The following DLG2 variants were observed in gnomAD, a reference collection of about 807,000 sequenced individuals.
DLG2 encodes discs large MAGUK scaffold protein 2.
Under a neutral mutation model 132.5 loss-of-function variants are expected in DLG2, and 45 were observed. That is an observed-to-expected ratio of 0.34 (90% CI 0.27 to 0.44). DLG2 has a LOEUF of 0.44. Ranked by LOEUF, DLG2 falls within the 20% of genes least tolerant of loss-of-function variation. The pLI is 1.00. For synonymous variants in DLG2, 424 were observed against 419.6 expected (o/e 1.01, Z -0.13); for missense variants, 1,045 against 1,196.9 (o/e 0.87, Z 1.87).
At chr11:83,773,401 T>G (rs1205170795) in intron 18 of DLG2, among the ~76,000 whole-genome samples, 1 of 152,224 alleles carries the variant, frequency 6.6e-6, no homozygotes, top group Non-Finnish European at 1.5e-5. Context: ...ATATTTCAAT[T>G]AATGTTTCCA....
At chr11:85,026,556 G>A (rs1360568317) in intron 6 of DLG2, among the ~76,000 whole-genome samples, 7 of 151,964 alleles carry the variant, frequency 4.6e-5, no homozygotes, top group Admixed American at 6.6e-5. Flanking sequence ...ATATTCTTTC[G>A]GCCGGGCGCG....
intron 3 of DLG2, among the ~76,000 whole-genome samples, chr11:85,300,051 A>G (rs912596298): frequency 1.6e-4 from 25 of 152,122 alleles, no homozygotes; most frequent in African/African-American, 6.0e-4. Context: ...TCATTTCTTC[A>G]ACAAATATTT....
At chr11:84,068,778 T>C (rs1369016575) in intron 10 of DLG2, among the ~76,000 whole-genome samples, 1 of 152,196 alleles carries the variant, frequency 6.6e-6, no homozygotes, top group African/African-American at 2.4e-5. Flanking sequence ...AAGTTTGTAT[T>C]ATATACTATG....
intron 17 of DLG2, among the ~76,000 whole-genome samples, chr11:83,807,303 C>T (rs2046155040): frequency 6.6e-6 from 1 of 152,168 alleles, no homozygotes. Context: ...TTTCCATTTA[C>T]ACAGGCAGGG....
chr11:84,745,146 T>C (rs1235401300), intron 6 of DLG2, among the ~76,000 whole-genome samples: 2 of 152,214 alleles, frequency 1.3e-5, no homozygotes, highest in Non-Finnish European at 2.9e-5. Context: ...AATGTTTTCT[T>C]ACTTTACCTA....
intron 6 of DLG2, among the ~76,000 whole-genome samples, chr11:84,952,257 C>G (rs2051026620): frequency 6.6e-6 from 1 of 152,106 alleles, no homozygotes. Flanking sequence ...AGAATAAAAC[C>G]AGAACTGGCC....
intron 3 of DLG2, among the ~76,000 whole-genome samples, chr11:85,293,068 A>G (rs1211792109): frequency 6.6e-6 from 1 of 152,194 alleles, no homozygotes; most frequent in Non-Finnish European, 1.5e-5. Flanking sequence ...TAATAAAATA[A>G]TAATCCATTA....
chr11:83,496,945 C>T (rs1025296210), intron 21 of DLG2, among the ~76,000 whole-genome samples: 4 of 152,180 alleles, frequency 2.6e-5, no homozygotes, highest in African/African-American at 7.2e-5. Flanking sequence ...AAACACTTAG[C>T]ATTTTTAAGG....
rs142885063 is a variant in DLG2 at position 83,874,654 on chromosome 11, A to G, written c.1497-166T>C. 2.7e-3 allele frequency among the ~76,000 whole-genome samples: 411 copies of G among 152,282 alleles called. 5 individuals are homozygous for G. The highest frequency in any genetic ancestry group is 9.3e-3 in the African/African-American group (388 of 41,564). On this transcript the variant is annotated intron_variant, in intron 15 of 27. Transcript: ENST00000376104. ...TGCACCCATTAACTCGTCATTTAAC[A>G]TTAGATATATCTCCTAATGCTAACC...
At chr11:84,105,747 T>C (rs951733122) in intron 9 of DLG2, among the ~76,000 whole-genome samples, 2 of 152,114 alleles carry the variant, frequency 1.3e-5, no homozygotes, top group Non-Finnish European at 2.9e-5. Flanking sequence ...TTAATACCCA[T>C]GTTCTATTTG....
intron 25 of DLG2, among the ~76,000 whole-genome samples, chr11:83,468,765 A>C (rs958213223): frequency 1.3e-5 from 2 of 152,162 alleles, no homozygotes; most frequent in African/African-American, 2.4e-5. Context: ...TCTAAGCTAG[A>C]ACTTCTGCGA....
At chr11:85,556,950 C>T (rs1216943922) in intron 3 of DLG2, among the ~76,000 whole-genome samples, 1 of 151,722 alleles carries the variant, frequency 6.6e-6, no homozygotes, top group African/African-American at 2.4e-5. Context: ...CTAGCCACTG[C>T]AATCAGGCAA....
In DLG2 at chr11:84,020,322, T is replaced by C. The variant is rs543611471; in HGVS notation, c.919+38993A>G. Among the ~76,000 whole-genome samples, 6 of 152,288 alleles carry C rather than the reference T, an allele frequency of 3.9e-5. No individual in the cohort carries two copies. The East Asian group carries it at 1.2e-3, about 29-fold the overall frequency. On this transcript the variant is annotated intron_variant, in intron 11 of 27. Transcript: ENST00000376104. ...GAATATGTGTATGTTACGAAATATA[T>C]ATAGATATAGATGATATGTGTGTAT...
At chr11:85,522,514 A>T (rs376175937) in intron 3 of DLG2, among the ~76,000 whole-genome samples, 1 of 152,204 alleles carries the variant, frequency 6.6e-6, no homozygotes, top group East Asian at 1.9e-4. Context: ...AGAATAGTAG[A>T]TCCACCAACA....
At chr11:84,246,508 T>C (rs2097304175) in intron 8 of DLG2, among the ~76,000 whole-genome samples, 1 of 152,188 alleles carries the variant, frequency 6.6e-6, no homozygotes, top group Admixed American at 6.5e-5. Flanking sequence ...AGCCCTAAAG[T>C]GTTTCCTTTA....
At chr11:85,243,044 G>C (rs1191022053) in intron 4 of DLG2, among the ~76,000 whole-genome samples, 1 of 151,578 alleles carries the variant, frequency 6.6e-6, no homozygotes, top group Non-Finnish European at 1.5e-5. Flanking sequence ...AGAATCAAAA[G>C]TAGAATTCAA....
At chr11:85,564,661 T>C (rs2077431325) in intron 3 of DLG2, among the ~76,000 whole-genome samples, 1 of 152,068 alleles carries the variant, frequency 6.6e-6, no homozygotes, top group Non-Finnish European at 1.5e-5. Context: ...TTATTTTAGC[T>C]TTATAATAAG....
rs1591308206 is a variant in DLG2, at chr11:83,466,529, CA to C, written c.2729+178del. On this transcript the variant is annotated intron_variant, in intron 26 of 27. Coordinates refer to ENST00000376104, the MANE Select transcript of DLG2 (RefSeq NM_001142699.3). ...GGATGTTAAAAAAAGAAATCACTGA[CA>C]TTATGTTTCTAGTTGTTTAAAAGAA... Among the ~76,000 whole-genome samples the C allele has an allele frequency of 3.9e-5, 6 of 152,268 alleles. No homozygotes were observed. The East Asian group carries it at 1.2e-3, about 29-fold the overall frequency.
intron 11 of DLG2, among the ~76,000 whole-genome samples, chr11:83,987,908 T>C (rs943446805): frequency 6.6e-6 from 1 of 152,206 alleles, no homozygotes; most frequent in Non-Finnish European, 1.5e-5. Flanking sequence ...CCTTTTTTCA[T>C]ACATTTGTTG....
Sources: gnomAD v4.1 joint callset for allele counts (sites outside exome capture counted in the v4.1 genomes callset) on GRCh38, gnomAD v4.1.1 for gene constraint, MANE v1.5 for transcripts, NCBI Gene and HGNC (gene_info 2026-07-23, HGNC 2026-07-21) for gene names.